Variants in WNK2 observed in about 807,000 individuals in gnomAD.
The protein encoded by WNK2 is WNK lysine deficient protein kinase 2.
WNK2 carries 67 observed loss-of-function variants against 192.1 expected under a neutral mutation model. The ratio of observed to expected loss-of-function variants is 0.35; its 90% CI spans 0.29 to 0.43. The LOEUF (loss-of-function observed/expected upper bound fraction) is 0.43, where lower values mean the gene tolerates loss of function less well. WNK2 is among the 20% of genes least tolerant of loss of function. WNK2 has a pLI of 1.00. For missense variants in WNK2, 2,698 were observed against 3,089.7 expected, an observed-to-expected ratio of 0.87 and a Z score of 3.01; for synonymous variants, 1,439 against 1,393.9, an observed-to-expected ratio of 1.03 and a Z score of -0.72.
At chr9:93,200,923 G>GA (rs978602192) in intron 2 of WNK2, among the ~76,000 whole-genome samples, 1 of 152,094 alleles carries the variant, frequency 6.6e-6, no homozygotes, top group African/African-American at 2.4e-5. Flanking sequence ...AGAAGAAGAT[G>GA]AAAAAATATA....
chr9:93,216,296 C>CAAATGTGAGCCAT (rs1179241218), intron 2 of WNK2, among the ~76,000 whole-genome samples: 6 of 152,036 alleles, frequency 3.9e-5, no homozygotes, highest in African/African-American at 1.5e-4. Context: ...ATGTGAGCCA[C>CAAATGTGAGCCAT]AAATGTGAGC....
At chr9:93,302,566 T>G (rs1054087657) in intron 26 of WNK2, among the ~76,000 whole-genome samples, 2 of 151,994 alleles carry the variant, frequency 1.3e-5, no homozygotes, top group African/African-American at 4.8e-5. Flanking sequence ...TTTTGAAATA[T>G]AGAAGGATCC....
chr9:93,290,304 C>T (rs1285176108), intron 21 of WNK2, among the ~76,000 whole-genome samples: 1 of 151,708 alleles, frequency 6.6e-6, no homozygotes, highest in Non-Finnish European at 1.5e-5. Context: ...TGAATGGGCC[C>T]AACACAAATT....
chr9:93,305,608 T>G (rs951741110), intron 26 of WNK2, among the ~76,000 whole-genome samples: 1 of 152,178 alleles, frequency 6.6e-6, no homozygotes, highest in Non-Finnish European at 1.5e-5. Context: ...TGAGCTAGGT[T>G]TCCAAGTCCA....
chr9:93,202,327 T>TGTGTGTGG (rs1554679118), intron 2 of WNK2, among the ~76,000 whole-genome samples: 1 of 107,048 alleles, frequency 9.3e-6, no homozygotes, highest in African/African-American at 3.9e-5. Flanking sequence ...CGTGTGCACG[T>TGTGTGTGG]GTGTGTGTGT....
chr9:93,199,903 A>AAAAAAAAAAAAAAAAAAAAAAAAAG (rs1486588815), intron 2 of WNK2, among the ~76,000 whole-genome samples: 1 of 150,668 alleles, frequency 6.6e-6, no homozygotes, highest in Non-Finnish European at 1.5e-5. Context: ...TTGTCTCAAA[A>AAAAAAAAAAAAAAAAAAAAAAAAAG]AAAAAAAAGA....
At position 93,317,793 on chromosome 9, in the gene WNK2, G is replaced by A. The variant is rs937524836; in HGVS notation, c.6628+162G>A. On this transcript the variant is annotated intron_variant, in intron 29 of 29. Transcript: ENST00000427277. ...CACCCCCCAGGTGCCCGTGCTGCCA[G>A]TCTTCTTGCAGCCACCTGTGGTCAG... 2.8e-5 allele frequency: 41 copies of A among 1,483,670 alleles called. No homozygotes were observed. The South Asian group carries it at 5.2e-4, about 19-fold the overall frequency. 91.9% of individuals were successfully genotyped at this position (1,483,670 alleles called of 1,614,324 possible). A position where few individuals can be genotyped will look rare whatever the true frequency, so the allele number is the denominator to read the frequency against.
intron 8 of WNK2, among the ~76,000 whole-genome samples, chr9:93,251,003 C>T (rs1029904873): frequency 2.0e-5 from 3 of 151,882 alleles, no homozygotes; most frequent in African/African-American, 7.3e-5. Flanking sequence ...CCAGGGTTGG[C>T]CTTGAACTCC....
intron 19 of WNK2, among the ~76,000 whole-genome samples, chr9:93,273,086 T>G (rs1846249825): frequency 1.3e-5 from 2 of 152,212 alleles, no homozygotes; most frequent in Admixed American, 1.3e-4. Flanking sequence ...GTTGCCTGTT[T>G]TAATTTCTGA....
intron 19 of WNK2, among the ~76,000 whole-genome samples, chr9:93,286,879 A>G (rs752143186): frequency 6.6e-6 from 1 of 152,246 alleles, no homozygotes; most frequent in African/African-American, 2.4e-5. Flanking sequence ...CCTACAGGAC[A>G]TTATGCTATA....
In WNK2 at chr9:93,257,937, G is replaced by A. The variant is rs567741780; in HGVS notation, c.2382+798G>A. On this transcript the variant is annotated intron_variant, in intron 11 of 29. Transcript: ENST00000427277. The surrounding 1 kb of genome is among the most constrained non-coding windows in gnomAD (Gnocchi z 4.7). ...TACTCCCGAGGGCTTCGGTGACCCG[G>A]ACAGGCTGATCAGTGATAAGACTGG... 6.6e-6 allele frequency among the ~76,000 whole-genome samples: 1 copy of A among 152,322 alleles called. No homozygotes were observed. Among genetic ancestry groups the A allele is most frequent in the South Asian group, 2.1e-4 (1 of 4,828 alleles).
At chr9:93,255,852 T>G (rs1843205675) in intron 9 of WNK2, among the ~76,000 whole-genome samples, 1 of 152,184 alleles carries the variant, frequency 6.6e-6, no homozygotes, top group Admixed American at 6.5e-5. Context: ...TTCCCATTCT[T>G]TTGAGGTCTG....
chr9:93,198,304 G>C (rs1376556324), intron 2 of WNK2, among the ~76,000 whole-genome samples: 2 of 152,210 alleles, frequency 1.3e-5, no homozygotes, highest in African/African-American at 4.8e-5. Flanking sequence ...AACAGGACTT[G>C]CTGTCAGCCT....
chr9:93,241,394 C>T (rs4744200), intron 7 of WNK2, among the ~76,000 whole-genome samples: 1 of 152,190 alleles, frequency 6.6e-6, no homozygotes, highest in Admixed American at 6.5e-5. Flanking sequence ...TCATGATAGC[C>T]CTCGGCTCAT....
intron 23 of WNK2, among the ~76,000 whole-genome samples, chr9:93,296,007 C>T (rs1850279006): frequency 7.6e-6 from 1 of 130,752 alleles, no homozygotes; most frequent in Non-Finnish European, 1.6e-5. Flanking sequence ...CTTCCCTCTC[C>T]ATTCTCCCCT....
intron 21 of WNK2, among the ~76,000 whole-genome samples, chr9:93,290,731 AC>A (rs1376683340): frequency 1.3e-5 from 2 of 152,230 alleles, no homozygotes; most frequent in African/African-American, 4.8e-5. Flanking sequence ...GGGCGCTGTG[AC>A]TGCTGGGAGC....
Position 93,289,462 on chromosome 9 carries a change from G to T in WNK2, c.4708G>T (p.Ala1570Ser), listed in dbSNP as rs961264808. Reference sequence around the variant, plus strand: ...CCAGGAGCACGTGCCCACCTCCTCAGCCTCAGCTGGGACCCCTGTGGAGGT... The same window carrying T: ...CCAGGAGCACGTGCCCACCTCCTCATCCTCAGCTGGGACCCCTGTGGAGGT... Reference protein sequence around the residue: ...LYQEHVPTSSASAGTPVEVGD... With the variant: ...LYQEHVPTSSSSAGTPVEVGD... The change falls in exon 20 of 30, where the codon GCC (alanine) becomes TCC (serine). Residue 1570 changes from alanine to serine, a missense_variant. Physicochemically the swap from Ala to Ser is moderately conservative, Grantham distance 99. Coordinates refer to ENST00000427277, the MANE Select transcript of WNK2 (RefSeq NM_006648.4). 6.2e-7 allele frequency: 1 copy of T among 1,612,638 alleles called. No individual in the cohort carries two copies. Among genetic ancestry groups the T allele is most frequent in the Non-Finnish European group, 8.5e-7 (1 of 1,179,528 alleles).
At chr9:93,211,423 TTCAC>T (rs1834674110) in intron 2 of WNK2, among the ~76,000 whole-genome samples, 1 of 136,074 alleles carries the variant, frequency 7.3e-6, no homozygotes, top group Admixed American at 7.3e-5. Context: ...CCACCACTCA[TTCAC>T]TCACCCACCC....
rs1430004694 is a variant in WNK2 at position 93,293,102 on chromosome 9, C to T, written c.5637C>T (p.Tyr1879=). 1 of 1,599,124 alleles carries T rather than the reference C, an allele frequency of 6.3e-7. No homozygotes were observed. The highest frequency in any genetic ancestry group is 8.5e-7 in the Non-Finnish European group (1 of 1,173,732). The change falls in exon 23 of 30, where the codon TAC becomes TAT. Residue 1879 remains tyrosine (Y), a synonymous_variant. Transcript: ENST00000427277. ...SVTSFHSQSS[Y]ISSDNDSELE... is the part of the protein sequence containing the mutation. Reference sequence around the variant, plus strand: ...CCTCCTTCCATTCCCAGTCGTCCTACATCAGCAGCGACAATGATTCGGAGC... The same window carrying T: ...CCTCCTTCCATTCCCAGTCGTCCTATATCAGCAGCGACAATGATTCGGAGC...
Sources: gnomAD v4.1 joint callset for allele counts (sites outside exome capture counted in the v4.1 genomes callset) on GRCh38, gnomAD v4.1.1 for gene constraint, Gnocchi (gnomAD v3.1) non-coding constraint, MANE v1.5 for transcripts, NCBI Gene and HGNC (gene_info 2026-07-23, HGNC 2026-07-21) for gene names.